The following NRG3 variants were observed in gnomAD, a reference collection of about 807,000 sequenced individuals.
The protein encoded by NRG3 is pro-neuregulin-3, membrane-bound isoform.
NRG3 carries 31 observed loss-of-function variants against 66.9 expected under a neutral mutation model. The ratio of observed to expected loss-of-function variants is 0.46; its 90% CI spans 0.35 to 0.63. The LOEUF (loss-of-function observed/expected upper bound fraction) is 0.63. Among genes scored for constraint, NRG3 ranks in the 20% least tolerant of loss-of-function variants. The probability of loss-of-function intolerance (pLI) is 0.00; values close to 1 mark genes in which losing one functional copy is unlikely to be tolerated. For synonymous variants in NRG3, 393 were observed against 359.4 expected (o/e 1.09, Z -1.06); for missense variants, 910 against 878.9 (o/e 1.04, Z -0.45).
At chr10:82,470,587 C>T (rs1402883289) in intron 2 of NRG3, among the ~76,000 whole-genome samples, 1 of 152,224 alleles carries the variant, frequency 6.6e-6, no homozygotes, top group East Asian at 1.9e-4. Flanking sequence ...CCTAATGGCA[C>T]TTTGCAAAGA....
At chr10:82,874,596 G>A (rs926011449) in intron 4 of NRG3, among the ~76,000 whole-genome samples, 13 of 152,122 alleles carry the variant, frequency 8.5e-5, no homozygotes, top group Admixed American at 3.9e-4. Flanking sequence ...GTTAAACTAC[G>A]TGAGAAATCA....
chr10:81,969,400 G>A (rs1011171566), intron 1 of NRG3, among the ~76,000 whole-genome samples: 3 of 152,140 alleles, frequency 2.0e-5, no homozygotes, highest in Non-Finnish European at 2.9e-5. Flanking sequence ...TGTGCCTTCC[G>A]GCACACTCAC....
chr10:82,808,603 G>A (rs2061376524), intron 3 of NRG3, among the ~76,000 whole-genome samples: 1 of 151,752 alleles, frequency 6.6e-6, no homozygotes, highest in Admixed American at 6.6e-5. Context: ...CAATTAAACT[G>A]TTATTTTTTA....
intron 4 of NRG3, among the ~76,000 whole-genome samples, chr10:82,877,344 A>G (rs1367180013): frequency 6.7e-6 from 1 of 149,468 alleles, no homozygotes; most frequent in Non-Finnish European, 1.5e-5. Flanking sequence ...ACTCTCAAGA[A>G]GTTCACAGTT....
At chr10:82,440,382 G>A (rs1299384050) in intron 2 of NRG3, among the ~76,000 whole-genome samples, 1 of 119,958 alleles carries the variant, frequency 8.3e-6, no homozygotes, top group Non-Finnish European at 1.7e-5. Context: ...TTTTTGAACA[G>A]CCTTCTTTTA....
chr10:82,589,091 T>A (rs2046840202), intron 2 of NRG3, among the ~76,000 whole-genome samples: 1 of 152,126 alleles, frequency 6.6e-6, no homozygotes. Flanking sequence ...AGTGCTTTCT[T>A]AGCACCCAGA....
chr10:82,441,405 T>A (rs745668467), intron 2 of NRG3, among the ~76,000 whole-genome samples: 1 of 152,124 alleles, frequency 6.6e-6, no homozygotes, highest in South Asian at 2.1e-4. Flanking sequence ...AGAAACAACA[T>A]TGGGTTTCAT....
chr10:82,063,560 G>C (rs957758987), intron 1 of NRG3, among the ~76,000 whole-genome samples: 1 of 147,402 alleles, frequency 6.8e-6, no homozygotes, highest in Non-Finnish European at 1.5e-5. Flanking sequence ...ATAGTCAATC[G>C]GTGCCCTTAA....
chr10:82,880,962 G>C (rs1490192334), intron 4 of NRG3, among the ~76,000 whole-genome samples: 1 of 152,210 alleles, frequency 6.6e-6, no homozygotes, highest in Non-Finnish European at 1.5e-5. Flanking sequence ...GGCTGAATTA[G>C]AGTTAATATG....
rs142142238 is a variant in NRG3 at position 82,460,216 on chromosome 10, G to A, written c.953+101348G>A. 3.1e-4 allele frequency among the ~76,000 whole-genome samples: 47 copies of A among 152,262 alleles called. No individual in the cohort carries two copies. The South Asian group carries it at 4.4e-3, about 14-fold the overall frequency. On this transcript the variant is annotated intron_variant, in intron 2 of 8. Transcript: ENST00000372141. ...TTTGAGGACTGAGTTGGTACATTGG[G>A]TTATGGAAACATGTCCACAGTAGAG...
At chr10:82,978,309 C>T (rs1852497230) in intron 7 of NRG3, among the ~76,000 whole-genome samples, 1 of 152,114 alleles carries the variant, frequency 6.6e-6, no homozygotes, top group Non-Finnish European at 1.5e-5. Flanking sequence ...CATCTATAAA[C>T]ATATAGTTAT....
chr10:82,954,591 G>T (rs1307860158), intron 5 of NRG3, among the ~76,000 whole-genome samples: 2 of 151,834 alleles, frequency 1.3e-5, no homozygotes, highest in Non-Finnish European at 2.9e-5. Flanking sequence ...ATGATAAAAT[G>T]ATGATACAAA....
At chr10:82,098,279 T>G (rs959581871) in intron 1 of NRG3, among the ~76,000 whole-genome samples, 6 of 151,438 alleles carry the variant, frequency 4.0e-5, no homozygotes, top group East Asian at 1.9e-4. Context: ...GTCATATATA[T>G]ATGTCATTTA....
intron 2 of NRG3, among the ~76,000 whole-genome samples, chr10:82,708,990 C>T (rs1275923927): frequency 4.6e-5 from 7 of 151,940 alleles, no homozygotes; most frequent in Admixed American, 6.6e-5. Flanking sequence ...GGGTTTTATA[C>T]GGTAGTGATT....
intron 1 of NRG3, among the ~76,000 whole-genome samples, chr10:81,900,550 G>T (rs140126858): frequency 6.6e-6 from 1 of 152,292 alleles, no homozygotes; most frequent in East Asian, 1.9e-4. Flanking sequence ...AATGACGCTG[G>T]GGTTTTCAGG....
intron 1 of NRG3, among the ~76,000 whole-genome samples, chr10:82,126,669 C>A (rs911450129): frequency 2.0e-5 from 3 of 152,062 alleles, no homozygotes; most frequent in African/African-American, 4.8e-5. Flanking sequence ...GGCATTTTAA[C>A]CTCTCTACAC....
At chr10:82,984,865 CT>C in intron 8 of NRG3, 1 of 1,474,186 alleles carries the variant, frequency 6.8e-7, no homozygotes, top group Non-Finnish European at 9.3e-7. Context: ...GTAAGAAGAT[CT>C]GGGTTTGAGT....
chr10:82,863,430 C>G (rs188511124), intron 3 of NRG3, among the ~76,000 whole-genome samples: 1 of 152,276 alleles, frequency 6.6e-6, no homozygotes, highest in African/African-American at 2.4e-5. Context: ...CTTGAGGAAT[C>G]GCCACACTGC....
chr10:82,190,472 A>G (rs1036818287), intron 1 of NRG3, among the ~76,000 whole-genome samples: 1 of 152,176 alleles, frequency 6.6e-6, no homozygotes, highest in Non-Finnish European at 1.5e-5. Flanking sequence ...CTATTTTCTT[A>G]ATCTCTCAAA....
Sources: gnomAD v4.1 joint callset for allele counts (sites outside exome capture counted in the v4.1 genomes callset) on GRCh38, gnomAD v4.1.1 for gene constraint, MANE v1.5 for transcripts, NCBI Gene and HGNC (gene_info 2026-07-23, HGNC 2026-07-21) for gene names.